Variants in OSBPL9 observed in about 807,000 individuals in gnomAD.
OSBPL9 encodes oxysterol binding protein like 9.
Under a neutral mutation model 106.6 loss-of-function variants are expected in OSBPL9, and 40 were observed. The observed-to-expected ratio is 0.38, with a 90% CI of 0.29 to 0.49. The LOEUF is 0.49. Ranked by LOEUF, OSBPL9 falls within the 20% of genes least tolerant of loss-of-function variation. OSBPL9 has a pLI of 0.97. For synonymous variants in OSBPL9, 269 were observed against 295.4 expected (o/e 0.91, Z 0.92); for missense variants, 609 against 887.2 (o/e 0.69, Z 3.98).
intron 21 of OSBPL9, 79 bp from the exon 22 acceptor site, chr1:51,786,447 G>C (rs908656259): frequency 7.6e-6 from 7 of 918,654 alleles, no homozygotes; most frequent in Admixed American, 2.3e-5. Flanking sequence ...AATTTGAAGT[G>C]TCAAAAGCAC....
intron 1 of OSBPL9, among the ~76,000 whole-genome samples, chr1:51,644,419 C>A (rs369804311): frequency 6.6e-6 from 1 of 152,022 alleles, no homozygotes; most frequent in African/African-American, 2.4e-5. Flanking sequence ...CTCTGTCTCC[C>A]AGGTTCAAGC....
intron 3 of OSBPL9, among the ~76,000 whole-genome samples, chr1:51,676,517 G>T (rs1343773121): frequency 2.0e-5 from 3 of 151,946 alleles, no homozygotes; most frequent in Non-Finnish European, 4.4e-5. Context: ...AATTAGCCGG[G>T]AGTGGTGGTG....
intron 4 of OSBPL9, among the ~76,000 whole-genome samples, chr1:51,714,892 G>A (rs560333870): frequency 3.5e-4 from 54 of 152,290 alleles, no homozygotes; most frequent in African/African-American, 1.3e-3. Flanking sequence ...AGGGTAGAAG[G>A]TGTGTTCATC....
intron 14 of OSBPL9, 59 bp downstream of exon 14, chr1:51,772,782 G>A: frequency 2.7e-6 from 3 of 1,125,966 alleles, no homozygotes; most frequent in Non-Finnish European, 4.1e-6. Flanking sequence ...GTGATTGCGT[G>A]GTGAGTGTGC....
At chr1:51,709,580 G>A (rs780731020) in intron 3 of OSBPL9, 1 of 152,698 alleles carries the variant, frequency 6.5e-6, no homozygotes, top group African/African-American at 2.4e-5. Context: ...TCCGAGGCCT[G>A]TCCCAGGGCT....
the OSBPL9 span, among the ~76,000 whole-genome samples, chr1:51,559,942 C>G: frequency 1.3e-5 from 2 of 152,098 alleles, no homozygotes; most frequent in Non-Finnish European, 2.9e-5. Flanking sequence ...ACAATGTGTC[C>G]CTTCCTCCCT....
intron 8 of OSBPL9, among the ~76,000 whole-genome samples, chr1:51,750,496 A>G (rs1669003235): frequency 6.6e-6 from 1 of 152,204 alleles, no homozygotes; most frequent in African/African-American, 2.4e-5. Context: ...ACCTTCCACA[A>G]AAAAAGTTTT....
the OSBPL9 span, among the ~76,000 whole-genome samples, chr1:51,535,268 A>C: frequency 2.6e-5 from 4 of 152,190 alleles, no homozygotes; most frequent in East Asian, 7.7e-4. Context: ...AACTCTAGGC[A>C]TCTAGGAGAG....
At chr1:51,525,965 C>T in the OSBPL9 span, among the ~76,000 whole-genome samples, 1 of 152,164 alleles carries the variant, frequency 6.6e-6, no homozygotes, top group South Asian at 2.1e-4. Context: ...CAGCCTCCAT[C>T]TCCCAGGCTC....
chr1:51,729,919 C>A lies in OSBPL9; in HGVS notation c.319-15617C>A. ...CGAGGGGAGAAGAAAAAGGGGTGCT[C>A]GGGAGCAGCCCCCGGCTACCTCCCC... On this transcript the variant is annotated intron_variant, in intron 4 of 23. Transcript: ENST00000428468. This position sits in a 1 kb window ranked among gnomAD's most constrained non-coding sequence, Gnocchi z 5.1. 7.7e-7 allele frequency: 1 copy of A among 1,296,048 alleles called. No individual in the cohort carries two copies. Among genetic ancestry groups the A allele is most frequent in the Non-Finnish European group, 9.9e-7 (1 of 1,014,072 alleles). The allele number at this position is 1,296,048 out of a possible 1,614,324, so 80.3% of individuals were successfully genotyped here.
At chr1:51,518,327 A>G in the OSBPL9 span, 1 of 152,576 alleles carries the variant, frequency 6.6e-6, no homozygotes, top group Non-Finnish European at 1.5e-5. Flanking sequence ...GGGAAGCTCG[A>G]GAACAGGTTT....
chr1:51,679,172 G>A (rs1289626125), intron 3 of OSBPL9, among the ~76,000 whole-genome samples: 5 of 152,122 alleles, frequency 3.3e-5, no homozygotes, highest in African/African-American at 9.7e-5. Context: ...CTTCACTGAT[G>A]TACTTTTCTT....
chr1:51,678,463 C>A (rs1651801926), intron 3 of OSBPL9, among the ~76,000 whole-genome samples: 1 of 152,020 alleles, frequency 6.6e-6, no homozygotes, highest in Admixed American at 6.5e-5. Context: ...GAGTTTGAGA[C>A]CAGCCTGGCC....
chr1:51,658,811 C>T (rs1400874643), intron 2 of OSBPL9, among the ~76,000 whole-genome samples: 2 of 151,904 alleles, frequency 1.3e-5, no homozygotes, highest in Non-Finnish European at 2.9e-5. Flanking sequence ...AGAATGTCTT[C>T]CTTTTTCCCT....
intron 8 of OSBPL9, among the ~76,000 whole-genome samples, chr1:51,753,245 A>G (rs904546652): frequency 1.3e-5 from 2 of 152,186 alleles, no homozygotes; most frequent in African/African-American, 2.4e-5. Flanking sequence ...TGGCCCCCAG[A>G]CTGAGTTTGA....
At chr1:51,554,049 G>C in the OSBPL9 span, among the ~76,000 whole-genome samples, 3 of 152,210 alleles carry the variant, frequency 2.0e-5, no homozygotes, top group Non-Finnish European at 4.4e-5. Flanking sequence ...CTAGCTACTC[G>C]AGAGGCTAAG....
chr1:51,591,809 G>GA (rs890481983), intron 1 of OSBPL9, among the ~76,000 whole-genome samples: 3 of 151,140 alleles, frequency 2.0e-5, no homozygotes, highest in South Asian at 2.1e-4. Context: ...GAGAGAGAGA[G>GA]AAAAAAAAGA....
intron 9 of OSBPL9, chr1:51,760,427 A>C (rs1671237865): frequency 1.2e-5 from 4 of 336,614 alleles, no homozygotes; most frequent in Admixed American, 4.7e-5. Context: ...AAATCTCCCC[A>C]CACCATTTTA....
chr1:51,651,845 T>A (rs1468967935), intron 1 of OSBPL9, 146 bp from the exon 2 acceptor site: 1 of 625,850 alleles, frequency 1.6e-6, no homozygotes, highest in Non-Finnish European at 2.8e-6. Flanking sequence ...TATTTTCCTA[T>A]CCATAAGTAA....
Sources: gnomAD v4.1 joint callset for allele counts (sites outside exome capture counted in the v4.1 genomes callset) on GRCh38, gnomAD v4.1.1 for gene constraint, Gnocchi (gnomAD v3.1) non-coding constraint, MANE v1.5 for transcripts, NCBI Gene and HGNC (gene_info 2026-07-23, HGNC 2026-07-21) for gene names.